The following KLF8 variants were observed in gnomAD, a reference collection of about 807,000 sequenced individuals.
KLF8 encodes the protein KLF transcription factor 8, also known as Krueppel-like factor 8.
Under a neutral mutation model 18.2 loss-of-function variants are expected in KLF8, and 10 were observed. The observed-to-expected ratio is 0.55, with a 90% CI of 0.34 to 0.93. The LOEUF (loss-of-function observed/expected upper bound fraction) is 0.93. KLF8 is among the 40% of genes least tolerant of loss of function. The pLI is 0.02. For synonymous variants in KLF8, 109 were observed against 97.3 expected (o/e 1.12, Z -0.71); for missense variants, 264 against 277.9 (o/e 0.95, Z 0.36).
At chrX:56,178,081 C>T in the KLF8 span, among the ~76,000 whole-genome samples, 3 of 112,096 alleles carry the variant, frequency 2.7e-5, no homozygotes, top group Admixed American at 2.8e-4. Context: ...TGCTTTGGCT[C>T]ACACTGGGTG....
the KLF8 span, among the ~76,000 whole-genome samples, chrX:55,932,690 T>C: frequency 8.9e-6 from 1 of 112,055 alleles, no homozygotes; most frequent in Non-Finnish European, 1.9e-5. Context: ...GTGTTGAACA[T>C]TGGCCCCCAC....
At chrX:56,182,762 C>G in the KLF8 span, among the ~76,000 whole-genome samples, 1 of 112,597 alleles carries the variant, frequency 8.9e-6, no homozygotes, top group Non-Finnish European at 1.9e-5. Flanking sequence ...CTGGGTATTA[C>G]CAGCAGAGGC....
chrX:55,908,674 C>G, the KLF8 span: 1 of 289,015 alleles, frequency 3.5e-6, no homozygotes, highest in Non-Finnish European at 6.1e-6. Flanking sequence ...TAACTCTTCA[C>G]TCAACTACGT....
At chrX:55,954,775 A>G in the KLF8 span, among the ~76,000 whole-genome samples, 1 of 112,074 alleles carries the variant, frequency 8.9e-6, no homozygotes, top group Non-Finnish European at 1.9e-5. Context: ...CAAGAAGCAG[A>G]AAAAATCTCA....
At chrX:56,273,971 C>G (rs1389581304) in intron 5 of KLF8, among the ~76,000 whole-genome samples, 4 of 112,147 alleles carry the variant, frequency 3.6e-5, no homozygotes, top group Non-Finnish European at 7.5e-5. Flanking sequence ...GTGAATACTG[C>G]TGCAATAAAC....
intron 2 of KLF8, among the ~76,000 whole-genome samples, chrX:56,261,712 G>C (rs1052069211): frequency 1.8e-5 from 2 of 110,749 alleles, no homozygotes; most frequent in African/African-American, 6.6e-5. Flanking sequence ...TTTAACCATA[G>C]GGAGGGTTAT....
At chrX:56,194,106 G>A in the KLF8 span, among the ~76,000 whole-genome samples, 2 of 110,605 alleles carry the variant, frequency 1.8e-5, no homozygotes, top group East Asian at 2.8e-4. Flanking sequence ...TTCCAAGATG[G>A]CCAAATAGGA....
At chrX:56,039,175 T>G in the KLF8 span, among the ~76,000 whole-genome samples, 2 of 112,373 alleles carry the variant, frequency 1.8e-5, no homozygotes, top group Admixed American at 1.9e-4. Flanking sequence ...TTCATGCTGA[T>G]GATAGTTACT....
At chrX:56,084,286 C>T in the KLF8 span, among the ~76,000 whole-genome samples, 5 of 110,203 alleles carry the variant, frequency 4.5e-5, no homozygotes, top group Non-Finnish European at 9.5e-5. Context: ...GGGAGGCTGC[C>T]GTGGGAGGAT....
the KLF8 span, among the ~76,000 whole-genome samples, chrX:55,956,149 CT>C: frequency 6.0e-5 from 6 of 100,203 alleles, no homozygotes; most frequent in African/African-American, 2.7e-4. Context: ...ATCTATCTAT[CT>C]ATCTATCTAT....
chrX:56,185,993 C>G, the KLF8 span, among the ~76,000 whole-genome samples: 1 of 112,109 alleles, frequency 8.9e-6, no homozygotes, highest in Non-Finnish European at 1.9e-5. Flanking sequence ...CAGCTAACAT[C>G]ATAATGACAA....
chrX:56,210,425 A>G, the KLF8 span, among the ~76,000 whole-genome samples: 1 of 111,764 alleles, frequency 8.9e-6, no homozygotes. Context: ...GAGCTCTATT[A>G]TATGTCGTTT....
chrX:56,023,006 T>A, the KLF8 span, among the ~76,000 whole-genome samples: 1 of 111,293 alleles, frequency 9.0e-6, no homozygotes, highest in Admixed American at 9.5e-5. Flanking sequence ...AACATTAGGT[T>A]AACCAAAAAG....
the KLF8 span, among the ~76,000 whole-genome samples, chrX:55,975,101 C>T: frequency 2.2e-3 from 242 of 111,357 alleles, no homozygotes; most frequent in Middle Eastern, 9.2e-3. Context: ...ATGAAGGAAA[C>T]GTAGGATATA....
chrX:56,164,087 T>C, the KLF8 span, among the ~76,000 whole-genome samples: 11 of 88,794 alleles, frequency 1.2e-4, no homozygotes, highest in Admixed American at 8.5e-4. Flanking sequence ...TCTCGTTTGG[T>C]TCCATATGAA....
At chrX:56,214,201 G>A in the KLF8 span, among the ~76,000 whole-genome samples, 1 of 111,247 alleles carries the variant, frequency 9.0e-6, no homozygotes, top group Non-Finnish European at 1.9e-5. Flanking sequence ...ATGTGGTTTT[G>A]GAAAAGGCAA....
At chrX:56,107,565 G>A in the KLF8 span, among the ~76,000 whole-genome samples, 2 of 111,921 alleles carry the variant, frequency 1.8e-5, no homozygotes, top group Non-Finnish European at 3.8e-5. Flanking sequence ...GGGTTGCTGA[G>A]ACTGTGGGAA....
the KLF8 span, among the ~76,000 whole-genome samples, chrX:56,138,508 T>C: frequency 1.1e-4 from 12 of 111,645 alleles, no homozygotes; most frequent in East Asian, 3.1e-3. Flanking sequence ...CAAGGTTGGT[T>C]AAACATACAC....
the KLF8 span, among the ~76,000 whole-genome samples, chrX:56,050,684 C>T: frequency 3.6e-5 from 4 of 111,994 alleles, no homozygotes; most frequent in Admixed American, 3.8e-4. Flanking sequence ...AGATTTACTT[C>T]CACCTATGTG....
Sources: gnomAD v4.1 joint callset for allele counts (sites outside exome capture counted in the v4.1 genomes callset) on GRCh38, gnomAD v4.1.1 for gene constraint, MANE v1.5 for transcripts, NCBI Gene and HGNC (gene_info 2026-07-23, HGNC 2026-07-21) for gene names.